ZMIZ1: variants seen among roughly 807,000 people sequenced by gnomAD.
ZMIZ1 encodes the protein zinc finger MIZ domain-containing protein 1.
ZMIZ1 carries 17 observed loss-of-function variants against 113.9 expected under a neutral mutation model. The ratio of observed to expected loss-of-function variants is 0.15; its 90% CI spans 0.10 to 0.22. ZMIZ1 has a LOEUF of 0.22. Among genes scored for constraint, ZMIZ1 ranks in the 10% least tolerant of loss-of-function variants. The pLI, the probability that ZMIZ1 is intolerant of heterozygous loss-of-function variation, is 1.00. For missense variants in ZMIZ1, 1,059 were observed against 1,477.8 expected (o/e 0.72, Z 4.65); for synonymous variants, 607 against 603.1 (o/e 1.01, Z -0.09).
At chr10:79,124,612 G>A (rs17558104) in intron 2 of ZMIZ1, among the ~76,000 whole-genome samples, 3,977 of 152,324 alleles carry the variant, frequency 0.026, 63 homozygotes, top group Middle Eastern at 0.068. Context: ...CTCCAGGTCC[G>A]GAGTTCTGAG....
intron 1 of ZMIZ1, among the ~76,000 whole-genome samples, chr10:79,101,708 G>A (rs570383809): frequency 2.6e-4 from 39 of 152,298 alleles, no homozygotes; most frequent in African/African-American, 9.4e-4. Flanking sequence ...GGAGGGAGGC[G>A]GGTGGCCAGG....
intron 8 of ZMIZ1, among the ~76,000 whole-genome samples, chr10:79,284,011 T>C (rs181810967): frequency 6.6e-6 from 1 of 152,336 alleles, no homozygotes; most frequent in East Asian, 1.9e-4. Context: ...TTAATGGAAA[T>C]TGGTTATTTC....
chr10:79,278,972 G>A (rs1852496321), intron 8 of ZMIZ1, among the ~76,000 whole-genome samples: 1 of 152,258 alleles, frequency 6.6e-6, no homozygotes, highest in African/African-American at 2.4e-5. Flanking sequence ...AGACAGGGTG[G>A]TGGCGGGGCA....
At chr10:79,091,425 C>T (rs1211543158) in intron 1 of ZMIZ1, among the ~76,000 whole-genome samples, 1 of 152,204 alleles carries the variant, frequency 6.6e-6, no homozygotes, top group Non-Finnish European at 1.5e-5. Flanking sequence ...AAACAAGAGT[C>T]CTCAGACCCT....
chr10:79,251,623 T>C (rs960116040), intron 7 of ZMIZ1, among the ~76,000 whole-genome samples: 1 of 152,154 alleles, frequency 6.6e-6, no homozygotes, highest in Non-Finnish European at 1.5e-5. Flanking sequence ...GCCTGAGACA[T>C]CTTGGAGCAA....
At chr10:79,099,835 G>T (rs1174923220) in intron 1 of ZMIZ1, among the ~76,000 whole-genome samples, 2 of 152,164 alleles carry the variant, frequency 1.3e-5, no homozygotes, top group Non-Finnish European at 2.9e-5. Context: ...GAAAAAGCAG[G>T]TAGGTCTTCT....
At chr10:79,192,688 A>G (rs1322103511) in intron 4 of ZMIZ1, among the ~76,000 whole-genome samples, 3 of 152,186 alleles carry the variant, frequency 2.0e-5, no homozygotes, top group Admixed American at 1.3e-4. Context: ...CAGCTCCTCA[A>G]CACAGTGGGG....
At chr10:79,301,084 G>A (rs1032354259) in intron 17 of ZMIZ1, 142 bp downstream of exon 17, 11 of 1,259,270 alleles carry the variant, frequency 8.7e-6, no homozygotes, top group Admixed American at 4.3e-5. Flanking sequence ...CAAAGATACA[G>A]CGTCCCCTTA....
chr10:79,078,924 C>A (rs1458487150), intron 1 of ZMIZ1, among the ~76,000 whole-genome samples: 1 of 152,050 alleles, frequency 6.6e-6, no homozygotes, highest in Non-Finnish European at 1.5e-5. Context: ...GTAAACAGTC[C>A]CTTTCAGCTC....
chr10:79,208,076 G>A (rs1263068243), intron 5 of ZMIZ1, among the ~76,000 whole-genome samples: 5 of 145,332 alleles, frequency 3.4e-5, no homozygotes, highest in Admixed American at 1.4e-4. Flanking sequence ...TGAGGGTGGG[G>A]GTGGAGGTGG....
chr10:79,138,648 G>A (rs1005002716), intron 2 of ZMIZ1, among the ~76,000 whole-genome samples: 1 of 152,204 alleles, frequency 6.6e-6, no homozygotes, highest in Non-Finnish European at 1.5e-5. Context: ...GGCCCCATCA[G>A]CCAGCCCGCC....
intron 7 of ZMIZ1, among the ~76,000 whole-genome samples, chr10:79,246,222 A>G (rs996463664): frequency 5.3e-5 from 8 of 152,226 alleles, no homozygotes; most frequent in South Asian, 4.1e-4. Flanking sequence ...TCTGTCATCC[A>G]GCAGAGGTCA....
At chr10:79,152,769 G>A (rs1845762543) in intron 3 of ZMIZ1, among the ~76,000 whole-genome samples, 1 of 152,228 alleles carries the variant, frequency 6.6e-6, no homozygotes, top group African/African-American at 2.4e-5. Context: ...CTGTGAGATG[G>A]GGCTAACACC....
At chr10:79,213,220 G>A (rs1368193206) in intron 6 of ZMIZ1, among the ~76,000 whole-genome samples, 1 of 152,180 alleles carries the variant, frequency 6.6e-6, no homozygotes, top group Non-Finnish European at 1.5e-5. Context: ...TGAAAAACAA[G>A]CTGCACAGCT....
chr10:79,091,143 A>T (rs1037532046), intron 1 of ZMIZ1, among the ~76,000 whole-genome samples: 4 of 152,032 alleles, frequency 2.6e-5, no homozygotes, highest in Non-Finnish European at 2.9e-5. Flanking sequence ...GGGAAGCTGG[A>T]CTGGGTGACA....
At chr10:79,224,175 C>T (rs1175019491) in intron 7 of ZMIZ1, among the ~76,000 whole-genome samples, 1 of 152,190 alleles carries the variant, frequency 6.6e-6, no homozygotes. Context: ...AAAAACAAAA[C>T]GTACATGTAT....
intron 7 of ZMIZ1, among the ~76,000 whole-genome samples, chr10:79,228,981 C>T (rs1849294444): frequency 6.6e-6 from 1 of 152,214 alleles, no homozygotes; most frequent in Non-Finnish European, 1.5e-5. Flanking sequence ...TGTAATAGTT[C>T]TGATTATTTT....
intron 7 of ZMIZ1, chr10:79,243,518 C>G (rs1849988251): frequency 6.8e-6 from 1 of 147,234 alleles, no homozygotes; most frequent in East Asian, 2.0e-4. Flanking sequence ...GCCCTCGGAG[C>G]GGGCAGCGCG....
At chr10:79,242,945 C>T (rs916507573) in intron 7 of ZMIZ1, among the ~76,000 whole-genome samples, 1 of 150,326 alleles carries the variant, frequency 6.7e-6, no homozygotes, top group East Asian at 2.0e-4. Context: ...AGCGAAGTGG[C>T]TGGGCTGACG....
Sources: allele counts gnomAD v4.1 joint callset (sites outside exome capture counted in the v4.1 genomes callset), GRCh38; gene constraint gnomAD v4.1.1; transcripts MANE v1.5; gene names NCBI Gene and HGNC (gene_info 2026-07-23, HGNC 2026-07-21).